Variants in ROBO2 observed in about 807,000 individuals in gnomAD.
The protein encoded by ROBO2 is roundabout homolog 2.
ROBO2 carries 53 observed loss-of-function variants against 160.8 expected under a neutral mutation model. The ratio of observed to expected loss-of-function variants is 0.33; its 90% CI spans 0.26 to 0.41. ROBO2 has a LOEUF of 0.41. ROBO2 is among the 10% of genes least tolerant of loss of function. The pLI is 1.00. For synonymous variants in ROBO2, 664 were observed against 611.7 expected (o/e 1.09, Z -1.26); for missense variants, 1,577 against 1,722.4 (o/e 0.92, Z 1.49).
chr3:77,382,362 T>TTTTA (rs1553931090), intron 2 of ROBO2, among the ~76,000 whole-genome samples: 3 of 149,004 alleles, frequency 2.0e-5, no homozygotes. Context: ...TTTTTTTTTT[T>TTTTA]AAAAAGTCTT....
At chr3:77,546,345 A>C in exon 7 of ROBO2, 1 of 1,613,040 alleles carries the variant, frequency 6.2e-7, no homozygotes, top group East Asian at 2.2e-5. Flanking sequence ...TAGCTCCCCC[A>C]CAGTTTGTGG....
At chr3:76,097,391 A>G (rs1005177462) in intron 2 of ROBO2, among the ~76,000 whole-genome samples, 2 of 152,104 alleles carry the variant, frequency 1.3e-5, no homozygotes, top group Non-Finnish European at 2.9e-5. Context: ...GAGAAGAGCT[A>G]TTGATGCTTC....
intron 2 of ROBO2, among the ~76,000 whole-genome samples, chr3:76,786,862 T>G (rs1023616948): frequency 5.9e-5 from 9 of 151,352 alleles, no homozygotes; most frequent in African/African-American, 1.5e-4. Flanking sequence ...ATTCTCACAC[T>G]GCTATAAAGA....
At chr3:77,181,259 T>A (rs1437881424) in intron 2 of ROBO2, among the ~76,000 whole-genome samples, 1 of 152,056 alleles carries the variant, frequency 6.6e-6, no homozygotes, top group African/African-American at 2.4e-5. Flanking sequence ...TTAGGCTCAA[T>A]TAGATGATGT....
At chr3:76,954,185 C>G (rs934750173) in intron 2 of ROBO2, among the ~76,000 whole-genome samples, 1 of 151,994 alleles carries the variant, frequency 6.6e-6, no homozygotes, top group African/African-American at 2.4e-5. Context: ...AAACATAAAC[C>G]CAGAGGCCTA....
intron 2 of ROBO2, among the ~76,000 whole-genome samples, chr3:76,407,625 G>A (rs2075276373): frequency 6.6e-6 from 1 of 151,976 alleles, no homozygotes; most frequent in South Asian, 2.1e-4. Flanking sequence ...GTGTCTGATT[G>A]AGGGAAATCA....
At chr3:76,096,788 T>A (rs1432149436) in intron 2 of ROBO2, among the ~76,000 whole-genome samples, 1 of 152,224 alleles carries the variant, frequency 6.6e-6, no homozygotes, top group Non-Finnish European at 1.5e-5. Context: ...TAATCATTTA[T>A]ACAACAATGT....
intron 2 of ROBO2, among the ~76,000 whole-genome samples, chr3:76,193,270 G>A (rs1454353639): frequency 6.6e-6 from 1 of 152,046 alleles, no homozygotes; most frequent in African/African-American, 2.4e-5. Flanking sequence ...TTTCAGATAT[G>A]TTTCTGCTCT....
chr3:75,991,522 G>A (rs1359744179), intron 2 of ROBO2, among the ~76,000 whole-genome samples: 1 of 152,098 alleles, frequency 6.6e-6, no homozygotes, highest in South Asian at 2.1e-4. Flanking sequence ...CCATGACTGT[G>A]AGGCCTCCCC....
chr3:76,504,579 A>G (rs2107677130), intron 2 of ROBO2, among the ~76,000 whole-genome samples: 1 of 115,348 alleles, frequency 8.7e-6, no homozygotes, highest in African/African-American at 3.4e-5. Context: ...CCCAGGCTGG[A>G]GTGCAGTGGT....
rs181554831 is a variant in ROBO2 at position 76,130,679 on chromosome 3, A to T, written c.109+193077A>T. Among the ~76,000 whole-genome samples, 12 of 152,222 alleles carry T rather than the reference A, an allele frequency of 7.9e-5. No individual in the cohort carries two copies. In the East Asian group the frequency reaches 2.1e-3, roughly 27 times the overall value. ...CCACATAGCCATTCCTAATAAGAAAAATACCTGAAAAAATCAACTATCATT... is the reference window on the plus strand; with the variant it reads ...CCACATAGCCATTCCTAATAAGAAATATACCTGAAAAAATCAACTATCATT... On this transcript the variant is annotated intron_variant, in intron 2 of 26. Transcript: ENST00000487694.
rs1291452057 is a variant in ROBO2, at chr3:77,309,854, T to TGGTACTTGTAAAACAGC, written c.389-167559_389-167543dup. Among the ~76,000 whole-genome samples the TGGTACTTGTAAAACAGC allele has an allele frequency of 1.4e-4, 21 of 152,350 alleles. No homozygotes were observed. The East Asian group carries it at 4.1e-3, about 29-fold the overall frequency. On this transcript the variant is annotated intron_variant, in intron 2 of 25. Transcript: ENST00000461745. ...GAGAGATAACTGATTTTTAAAGCAGTGGTACTTGTAAAACAGCAACAGTAA... is the reference window on the plus strand; with the variant it reads ...GAGAGATAACTGATTTTTAAAGCAGTGGTACTTGTAAAACAGCGGTACTTGTAAAACAGCAACAGTAA...
intron 2 of ROBO2, among the ~76,000 whole-genome samples, chr3:76,046,485 TAAAAATAC>T (rs2067452834): frequency 6.6e-6 from 1 of 151,558 alleles, no homozygotes; most frequent in South Asian, 2.1e-4. Flanking sequence ...CCGTCTCTAC[TAAAAATAC>T]AAAAAATTAG....
chr3:75,907,300 C>G (rs1381657849), intron 1 of ROBO2, among the ~76,000 whole-genome samples: 3 of 152,100 alleles, frequency 2.0e-5, no homozygotes, highest in Non-Finnish European at 4.4e-5. Flanking sequence ...TTTTGCTTGC[C>G]TCATGCCCAA....
intron 2 of ROBO2, chr3:77,316,630 C>T: frequency 1.7e-6 from 1 of 591,590 alleles, no homozygotes; most frequent in Non-Finnish European, 3.1e-6. Context: ...CATCTTTAAC[C>T]TTGAGGTCTA....
chr3:77,082,850 A>G (rs2068819859), intron 1 of ROBO2, among the ~76,000 whole-genome samples: 1 of 151,814 alleles, frequency 6.6e-6, no homozygotes, highest in Admixed American at 6.6e-5. Context: ...ATGTCCAGAG[A>G]TTAAATTGAG....
chr3:76,097,351 G>A (rs780229051), intron 2 of ROBO2, among the ~76,000 whole-genome samples: 2 of 152,114 alleles, frequency 1.3e-5, no homozygotes, highest in South Asian at 2.1e-4. Context: ...TACATGGTCC[G>A]TTCTTGGGAC....
chr3:77,214,515 GGTC>G, intron 2 of ROBO2, among the ~76,000 whole-genome samples: 1 of 152,208 alleles, frequency 6.6e-6, no homozygotes, highest in East Asian at 1.9e-4. Flanking sequence ...CACACTGATG[GGTC>G]TTGACTCTTT....
At position 77,441,465 on chromosome 3, in the gene ROBO2, A is replaced by G. The variant is rs980393796; in HGVS notation, c.389-35949A>G. ...AAAATGATAACAGTGTCATGTAAAA[A>G]AACCCAACGCTTTAACTTTGTTATA... On this transcript the variant is annotated intron_variant, in intron 2 of 25. Coordinates refer to ENST00000461745, the Ensembl canonical transcript of ROBO2. Among the ~76,000 whole-genome samples, 11 of 152,332 alleles carry G rather than the reference A, an allele frequency of 7.2e-5. No individual in the cohort carries two copies. In the East Asian group the frequency reaches 1.7e-3, roughly 24 times the overall value.
Sources: allele counts gnomAD v4.1 joint callset (sites outside exome capture counted in the v4.1 genomes callset), GRCh38; gene constraint gnomAD v4.1.1; transcripts MANE v1.5; gene names NCBI Gene and HGNC (gene_info 2026-07-23, HGNC 2026-07-21).